SLC35H1: variants seen among roughly 807,000 people sequenced by gnomAD.
SLC35H1 encodes the protein ovarian cancer-overexpressed gene 1 protein.
chr20:46,355,128 G>T, the SLC35H1 span: 1 of 1,614,158 alleles, frequency 6.2e-7, no homozygotes, highest in Non-Finnish European at 8.5e-7. This position sits in a 1 kb window ranked among gnomAD's most constrained non-coding sequence, Gnocchi z 4.8. Context: ...TGCCACCGAT[G>T]AACGAGGCCC....
the SLC35H1 span, chr20:46,351,021 G>A: frequency 8.1e-7 from 1 of 1,240,884 alleles, no homozygotes. Flanking sequence ...CCTGGGCCCA[G>A]GCAGGCAGAG....
the SLC35H1 span, among the ~76,000 whole-genome samples, chr20:46,359,248 T>G: frequency 6.6e-6 from 1 of 152,312 alleles, no homozygotes; most frequent in South Asian, 2.1e-4. Flanking sequence ...AGAGGTCACT[T>G]CTTCAGGGAA....
At chr20:46,360,084 G>A in the SLC35H1 span, among the ~76,000 whole-genome samples, 3 of 152,184 alleles carry the variant, frequency 2.0e-5, no homozygotes, top group Non-Finnish European at 2.9e-5. Flanking sequence ...AGTCCACATA[G>A]CCAATTACTG....
the SLC35H1 span, among the ~76,000 whole-genome samples, chr20:46,355,558 G>C: frequency 6.6e-6 from 1 of 152,124 alleles, no homozygotes; most frequent in South Asian, 2.1e-4. This position sits in a 1 kb window ranked among gnomAD's most constrained non-coding sequence, Gnocchi z 4.8. Context: ...GTGCTTCCTA[G>C]ACCCAGCTCT....
At chr20:46,350,404 C>T in the SLC35H1 span, 1 of 1,611,456 alleles carries the variant, frequency 6.2e-7, no homozygotes, top group African/African-American at 1.3e-5. Flanking sequence ...TCACTGCTGC[C>T]CCTGGGCCAC....
chr20:46,347,537 A>C, the SLC35H1 span: 8 of 152,222 alleles, frequency 5.3e-5, no homozygotes, highest in Non-Finnish European at 7.3e-5. Context: ...TGTCGACCTA[A>C]ATGGATGGCC....
At chr20:46,355,206 G>A in the SLC35H1 span, 175 of 1,613,942 alleles carry the variant, frequency 1.1e-4, no homozygotes, top group Admixed American at 1.8e-3. The surrounding 1 kb of genome is among the most constrained non-coding windows in gnomAD (Gnocchi z 4.8). Context: ...AGAGACCCCC[G>A]GCGATGAGGA....
chr20:46,362,456 TA>T, the SLC35H1 span, among the ~76,000 whole-genome samples: 1 of 152,170 alleles, frequency 6.6e-6, no homozygotes, highest in Non-Finnish European at 1.5e-5. Context: ...GTTTAGTGCT[TA>T]AGAGTGTGGG....
the SLC35H1 span, among the ~76,000 whole-genome samples, chr20:46,354,026 T>C: frequency 6.6e-6 from 1 of 152,070 alleles, no homozygotes. Context: ...GGAGGAAGGA[T>C]AAACAGAAAG....
the SLC35H1 span, chr20:46,347,754 T>G: frequency 2.0e-5 from 3 of 152,256 alleles, no homozygotes; most frequent in Non-Finnish European, 4.4e-5. Flanking sequence ...GATGAAGGTA[T>G]GCCGGGCCCT....
At chr20:46,352,689 G>T in the SLC35H1 span, 1 of 160,648 alleles carries the variant, frequency 6.2e-6, no homozygotes, top group African/African-American at 2.5e-5. Context: ...GGAATGATGG[G>T]GATCCTAGTG....
the SLC35H1 span, chr20:46,356,660 A>G: frequency 6.2e-7 from 1 of 1,609,184 alleles, no homozygotes; most frequent in Non-Finnish European, 8.5e-7. Context: ...AGGCACCCAC[A>G]GGACAGCTTG....
the SLC35H1 span, among the ~76,000 whole-genome samples, chr20:46,362,657 C>T: frequency 5.9e-5 from 9 of 152,304 alleles, no homozygotes; most frequent in South Asian, 6.2e-4. Flanking sequence ...CCCAGAGGAC[C>T]CCGCACTGCC....
chr20:46,350,945 A>C, the SLC35H1 span: 1 of 1,605,598 alleles, frequency 6.2e-7, no homozygotes. Flanking sequence ...TGGCTGCTTG[A>C]CCAGGAGGGT....
At chr20:46,347,891 A>T in the SLC35H1 span, 3 of 152,210 alleles carry the variant, frequency 2.0e-5, no homozygotes, top group Middle Eastern at 3.4e-3. Flanking sequence ...CCCCTGGGAG[A>T]GGTGGTGGGC....
At chr20:46,352,044 T>C in the SLC35H1 span, 4 of 1,613,584 alleles carry the variant, frequency 2.5e-6, no homozygotes, top group Non-Finnish European at 3.4e-6. Context: ...CACGCCCGAG[T>C]CTGTACCTTA....
the SLC35H1 span, chr20:46,350,504 A>G: frequency 6.2e-7 from 1 of 1,608,984 alleles, no homozygotes; most frequent in Non-Finnish European, 8.5e-7. Flanking sequence ...AGCCCCTTCA[A>G]GGCCTTGGGG....
chr20:46,360,229 C>G, the SLC35H1 span, among the ~76,000 whole-genome samples: 1 of 152,260 alleles, frequency 6.6e-6, no homozygotes, highest in East Asian at 1.9e-4. Flanking sequence ...CTAACACTTC[C>G]AAGAATAAGA....
the SLC35H1 span, chr20:46,348,138 G>A: frequency 2.1e-5 from 3 of 140,346 alleles, no homozygotes; most frequent in Non-Finnish European, 3.0e-5. Context: ...GGTGGACGCT[G>A]TCTGGCCTGG....
Sources: allele counts gnomAD v4.1 joint callset (sites outside exome capture counted in the v4.1 genomes callset), GRCh38; gene constraint gnomAD v4.1.1; non-coding constraint Gnocchi (gnomAD v3.1); transcripts MANE v1.5; gene names NCBI Gene and HGNC (gene_info 2026-07-23, HGNC 2026-07-21).